The following CPQ variants were observed in gnomAD, a reference collection of about 807,000 sequenced individuals.
CPQ encodes the protein Ser-Met dipeptidase.
A neutral mutation model predicts 45.7 loss-of-function variants in CPQ; 37 were observed. The ratio of observed to expected loss-of-function variants is 0.81; its 90% CI spans 0.62 to 1.07. The LOEUF is 1.07. Ranked by LOEUF, CPQ falls within the 50% of genes least tolerant of loss-of-function variation. The pLI, the probability that CPQ is intolerant of heterozygous loss-of-function variation, is 0.00. For synonymous variants in CPQ, 186 were observed against 205.8 expected, an observed-to-expected ratio of 0.90 and a Z score of 0.82; for missense variants, 537 against 572.9, an observed-to-expected ratio of 0.94 and a Z score of 0.64.
At chr8:97,115,375 C>T (rs4617125) in intron 7 of CPQ, among the ~76,000 whole-genome samples, 7 of 152,134 alleles carry the variant, frequency 4.6e-5, no homozygotes, top group Admixed American at 1.3e-4. Context: ...TTTATCAACC[C>T]GAAGCAATTT....
intron 5 of CPQ, among the ~76,000 whole-genome samples, chr8:96,989,496 G>A (rs916515004): frequency 4.9e-4 from 73 of 149,302 alleles, no homozygotes; most frequent in African/African-American, 1.6e-3. Flanking sequence ...GGGAGTGGAG[G>A]AGAGGAGAGG....
Position 96,879,790 on chromosome 8 carries a change from C to A in CPQ, c.642-8C>A, listed in dbSNP as rs751479155. 5 of 1,612,794 alleles carry A rather than the reference C, an allele frequency of 3.1e-6. No individual in the cohort carries two copies. The highest frequency in any genetic ancestry group is 4.2e-6 in the Non-Finnish European group (5 of 1,179,012). On this transcript the variant is annotated splice_region_variant and splice_polypyrimidine_tract_variant and intron_variant, in intron 3 of 7. Transcript: ENST00000220763. The stretch of plus-strand genomic sequence containing the variant: ...TTTCAAGGTAACCTGGTGGCTTCTT[C>A]TCTCAAGTCCTCACACAGGTATTCA...
intron 2 of CPQ, among the ~76,000 whole-genome samples, chr8:96,801,135 C>A (rs1450167661): frequency 6.6e-6 from 1 of 151,914 alleles, no homozygotes. Context: ...ACCACAACGC[C>A]CAGCTATTTT....
chr8:97,049,385 G>A (rs1810318070), intron 6 of CPQ, among the ~76,000 whole-genome samples: 2 of 152,178 alleles, frequency 1.3e-5, no homozygotes, highest in African/African-American at 4.8e-5. Context: ...GCGACAGTCT[G>A]GCTTGTACTG....
At chr8:97,107,494 C>T (rs1369202398) in intron 7 of CPQ, among the ~76,000 whole-genome samples, 2 of 152,228 alleles carry the variant, frequency 1.3e-5, no homozygotes, top group Non-Finnish European at 2.9e-5. Context: ...CTCTTGAGTC[C>T]AGGAGTGTGT....
intron 4 of CPQ, among the ~76,000 whole-genome samples, chr8:96,932,262 A>T (rs909524789): frequency 6.6e-6 from 1 of 152,176 alleles, no homozygotes; most frequent in Non-Finnish European, 1.5e-5. Flanking sequence ...TTTCTTCCCT[A>T]TATAATTTAC....
chr8:96,953,980 A>G (rs1051398846), intron 4 of CPQ, among the ~76,000 whole-genome samples: 6 of 152,296 alleles, frequency 3.9e-5, no homozygotes, highest in South Asian at 4.1e-4. Context: ...CTTAAAATTC[A>G]TAAGAATATC....
chr8:96,881,414 G>A (rs924666817), intron 4 of CPQ, among the ~76,000 whole-genome samples: 2 of 152,118 alleles, frequency 1.3e-5, no homozygotes, highest in African/African-American at 2.4e-5. Context: ...ATGAGAACTC[G>A]CTAACACAAG....
At chr8:97,123,177 T>TAAAATAAATAAAATAAAATAAAATAA (rs1395817726) in intron 7 of CPQ, among the ~76,000 whole-genome samples, 2 of 23,750 alleles carry the variant, frequency 8.4e-5, no homozygotes, top group Non-Finnish European at 1.6e-4. Flanking sequence ...TAAAATAAAA[T>TAAAATAAATAAAATAAAATAAAATAA]ATAAAATAAA....
chr8:96,815,811 ACATATAAAAGTTAT>A lies in CPQ; in HGVS notation c.434-19161_434-19148del, dbSNP rs1420573547. On this transcript the variant is annotated intron_variant, in intron 2 of 7. Coordinates refer to ENST00000220763, the MANE Select transcript of CPQ (RefSeq NM_016134.4). Reference sequence around the variant, plus strand: ...CAATAAAATTTTTTGGTTTCCCAGTACATATAAAAGTTATGTAGTCTATTAAGTGTGTAATAGCA... The same window carrying A: ...CAATAAAATTTTTTGGTTTCCCAGTAGTAGTCTATTAAGTGTGTAATAGCA... Among the ~76,000 whole-genome samples, 172 of 152,300 alleles carry A rather than the reference ACATATAAAAGTTAT, an allele frequency of 1.1e-3. 1 individual carries two copies. Among genetic ancestry groups the A allele is most frequent in the African/African-American group, 3.7e-3 (153 of 41,572 alleles).
chr8:96,969,365 A>G lies in CPQ; in HGVS notation c.961+3319A>G, dbSNP rs115780750. On this transcript the variant is annotated intron_variant, in intron 5 of 7. Transcript: ENST00000220763. ...GTTCATGTATCAGATGCCTTGCACT[A>G]AAGAGGAAAGAGAAATGGCCCTTTA... Among the ~76,000 whole-genome samples the G allele has an allele frequency of 3.7e-3, 558 of 152,346 alleles. 3 individuals carry two copies. The highest frequency in any genetic ancestry group is 0.012 in the African/African-American group (516 of 41,574).
chr8:96,823,619 C>A (rs1373390628), intron 2 of CPQ, among the ~76,000 whole-genome samples: 1 of 151,450 alleles, frequency 6.6e-6, no homozygotes. Context: ...TTTTTATTTT[C>A]TTCAATGTAA....
intron 7 of CPQ, among the ~76,000 whole-genome samples, chr8:97,123,222 AAAATAAAATAAAAT>A (rs1325220760): frequency 2.1e-5 from 3 of 143,184 alleles, no homozygotes; most frequent in South Asian, 2.2e-4. Flanking sequence ...AAAATAAAAT[AAAATAAAATAAAAT>A]AAATAAAATA....
chr8:96,715,880 A>C (rs1404089324), intron 1 of CPQ, among the ~76,000 whole-genome samples: 2 of 152,186 alleles, frequency 1.3e-5, no homozygotes, highest in Non-Finnish European at 2.9e-5. Flanking sequence ...TCACACTCCA[A>C]GCTGGTGCTA....
intron 5 of CPQ, among the ~76,000 whole-genome samples, chr8:97,012,544 C>CATT (rs1236050422): frequency 9.9e-5 from 15 of 152,124 alleles, no homozygotes; most frequent in Admixed American, 9.2e-4. Context: ...GATTTGGTTT[C>CATT]ATTTCAAAAA....
intron 3 of CPQ, among the ~76,000 whole-genome samples, chr8:96,867,515 T>C (rs957451205): frequency 1.2e-4 from 18 of 152,174 alleles, no homozygotes; most frequent in African/African-American, 4.3e-4. Context: ...TATAGGTTGA[T>C]GTTATTTTTA....
rs185336938 is a variant in CPQ at position 96,936,984 on chromosome 8, C to A, written c.850-28951C>A. ...TTCCTTCCTTCCTTCCTTCCTCCCT[C>A]TCTCCTCCCTCTCTGGGTATTCCCT... On this transcript the variant is annotated intron_variant, in intron 4 of 7. Coordinates refer to ENST00000220763, the MANE Select transcript of CPQ (RefSeq NM_016134.4). Among the ~76,000 whole-genome samples, 22 of 152,178 alleles carry A rather than the reference C, an allele frequency of 1.4e-4. No individual in the cohort carries two copies. In the East Asian group the frequency reaches 4.3e-3, roughly 29 times the overall value.
At chr8:97,076,985 T>C (rs1810856618) in intron 7 of CPQ, among the ~76,000 whole-genome samples, 1 of 152,198 alleles carries the variant, frequency 6.6e-6, no homozygotes, top group Non-Finnish European at 1.5e-5. Context: ...TATTATATAC[T>C]GTATTCTTAT....
chr8:96,935,251 A>G (rs1286577120), intron 4 of CPQ, among the ~76,000 whole-genome samples: 3 of 152,234 alleles, frequency 2.0e-5, no homozygotes, highest in Non-Finnish European at 4.4e-5. Context: ...AAAAGGCCTT[A>G]ATGGCAACAG....
Sources: allele counts gnomAD v4.1 joint callset (sites outside exome capture counted in the v4.1 genomes callset), GRCh38; gene constraint gnomAD v4.1.1; transcripts MANE v1.5; gene names NCBI Gene and HGNC (gene_info 2026-07-23, HGNC 2026-07-21).